ADK: variants seen among roughly 807,000 people sequenced by gnomAD.
ADK encodes N6,N6-dimethyladenosine kinase.
Under a neutral mutation model 44.7 loss-of-function variants are expected in ADK, and 24 were observed. The observed-to-expected ratio is 0.54, with a 90% CI of 0.39 to 0.76. ADK has a LOEUF of 0.76. Ranked by LOEUF, ADK falls within the 30% of genes least tolerant of loss-of-function variation. The probability of loss-of-function intolerance (pLI) is 0.00; values close to 1 mark genes in which losing one functional copy is unlikely to be tolerated. For missense variants in ADK, 321 were observed against 425.1 expected (o/e 0.76, Z 2.15); for synonymous variants, 128 against 142.6 (o/e 0.90, Z 0.73).
chr10:74,242,331 C>T (rs1483059454), intron 3 of ADK, among the ~76,000 whole-genome samples: 1 of 152,164 alleles, frequency 6.6e-6, no homozygotes, highest in African/African-American at 2.4e-5. Flanking sequence ...AAAACAGCTG[C>T]AGTGTAATTT....
At chr10:74,593,486 C>T (rs556395297) in intron 8 of ADK, among the ~76,000 whole-genome samples, 14 of 148,846 alleles carry the variant, frequency 9.4e-5, no homozygotes, top group African/African-American at 2.7e-4. Context: ...AAAAAAAAAG[C>T]GACACAAACA....
chr10:74,518,084 C>T (rs1305637830), intron 6 of ADK, among the ~76,000 whole-genome samples: 1 of 152,100 alleles, frequency 6.6e-6, no homozygotes, highest in Non-Finnish European at 1.5e-5. Context: ...ACATGTAGGA[C>T]CCATTAAGAG....
chr10:74,347,974 C>G (rs1418966194), intron 4 of ADK, among the ~76,000 whole-genome samples: 1 of 152,166 alleles, frequency 6.6e-6, no homozygotes, highest in Non-Finnish European at 1.5e-5. Context: ...AGGGAAGGGG[C>G]GGCTGTGGGC....
At chr10:74,475,082 G>A (rs1372531982) in intron 6 of ADK, among the ~76,000 whole-genome samples, 1 of 151,852 alleles carries the variant, frequency 6.6e-6, no homozygotes, top group African/African-American at 2.4e-5. Context: ...CCGAGTTCAC[G>A]CCACTGCACT....
intron 3 of ADK, among the ~76,000 whole-genome samples, chr10:74,263,821 C>T (rs1052673636): frequency 1.3e-5 from 2 of 152,040 alleles, no homozygotes; most frequent in African/African-American, 4.8e-5. Flanking sequence ...TTAGATTTTT[C>T]CCTGTTAATG....
In ADK at chr10:74,466,537, A is replaced by C. The variant is rs148308426; in HGVS notation, c.556-58719A>C. On this transcript the variant is annotated intron_variant, in intron 6 of 10. Coordinates refer to ENST00000539909, the MANE Select transcript of ADK (RefSeq NM_006721.4). ...CATCTCAAAGGGAAAAGCTGAATTC[A>C]TACACAGGAACTGCAGGATTACTCT... Among the ~76,000 whole-genome samples, 7 of 152,298 alleles carry C rather than the reference A, an allele frequency of 4.6e-5. No individual in the cohort carries two copies. The East Asian group carries it at 1.3e-3, about 29-fold the overall frequency.
intron 6 of ADK, among the ~76,000 whole-genome samples, chr10:74,498,937 C>T (rs1280887102): frequency 2.0e-5 from 3 of 152,210 alleles, no homozygotes. Flanking sequence ...AACCATCATT[C>T]TCAGTAAACT....
intron 3 of ADK, among the ~76,000 whole-genome samples, chr10:74,292,441 T>C (rs1309119799): frequency 6.6e-6 from 1 of 152,214 alleles, no homozygotes; most frequent in Non-Finnish European, 1.5e-5. Flanking sequence ...TCCTTAGTCA[T>C]AGCAATATTG....
intron 1 of ADK, among the ~76,000 whole-genome samples, chr10:74,175,650 G>T (rs907601331): frequency 1.3e-5 from 2 of 152,046 alleles, no homozygotes; most frequent in African/African-American, 4.8e-5. Context: ...GTAGAACAGG[G>T]CCCAGTCGTT....
chr10:74,381,896 T>G (rs1300231288), intron 4 of ADK, among the ~76,000 whole-genome samples: 1 of 152,176 alleles, frequency 6.6e-6, no homozygotes, highest in Non-Finnish European at 1.5e-5. Flanking sequence ...GTTTACTGCC[T>G]TGAGGGATTT....
At chr10:74,338,282 G>A (rs1024555301) in intron 4 of ADK, among the ~76,000 whole-genome samples, 5 of 152,150 alleles carry the variant, frequency 3.3e-5, no homozygotes, top group Non-Finnish European at 5.9e-5. Flanking sequence ...AAAAACTGGT[G>A]AGAATACAGA....
chr10:74,574,322 C>T (rs1380645641), intron 7 of ADK, among the ~76,000 whole-genome samples: 1 of 152,084 alleles, frequency 6.6e-6, no homozygotes, highest in African/African-American at 2.4e-5. Context: ...AGGCGCATGC[C>T]ACCACGCCCT....
chr10:74,215,809 T>G (rs1843991613), intron 2 of ADK, among the ~76,000 whole-genome samples: 1 of 137,538 alleles, frequency 7.3e-6, no homozygotes, highest in Non-Finnish European at 1.6e-5. Flanking sequence ...GGGACTACAA[T>G]GCCTGGCTAA....
chr10:74,591,364 T>C (rs1293210173), intron 8 of ADK, among the ~76,000 whole-genome samples: 1 of 152,174 alleles, frequency 6.6e-6, no homozygotes, highest in Non-Finnish European at 1.5e-5. Flanking sequence ...GTCAGTGATA[T>C]TGACAGTGAT....
intron 10 of ADK, among the ~76,000 whole-genome samples, chr10:74,684,229 T>C (rs933480385): frequency 3.9e-5 from 6 of 152,204 alleles, no homozygotes; most frequent in African/African-American, 1.4e-4. Flanking sequence ...TTCCCTAGTA[T>C]TAATAGCCAA....
At chr10:74,280,558 C>G (rs1320187102) in intron 3 of ADK, among the ~76,000 whole-genome samples, 1 of 152,136 alleles carries the variant, frequency 6.6e-6, no homozygotes, top group African/African-American at 2.4e-5. Context: ...GGTGTTTACC[C>G]CTATGCCCAG....
In ADK at chr10:74,700,720, G is replaced by C. The variant is rs373944869; in HGVS notation, c.965-7601G>C. On this transcript the variant is annotated intron_variant, in intron 10 of 10. Transcript: ENST00000539909. Reference sequence around the variant, plus strand: ...ATACAGGAAGATAAACCAGAAAACAGTGAAAGTGGTTGCTTAAAGGGATGG... The same window carrying C: ...ATACAGGAAGATAAACCAGAAAACACTGAAAGTGGTTGCTTAAAGGGATGG... Among the ~76,000 whole-genome samples the C allele has an allele frequency of 4.6e-5, 7 of 152,270 alleles. No homozygotes were observed. The East Asian group carries it at 7.7e-4, about 17-fold the overall frequency.
intron 1 of ADK, among the ~76,000 whole-genome samples, chr10:74,158,788 A>C (rs144107571): frequency 3.5e-4 from 54 of 152,288 alleles, no homozygotes; most frequent in African/African-American, 1.2e-3. Context: ...TTCTCTAGTC[A>C]CTGTTCTGCA....
chr10:74,650,377 C>T (rs1854215840), intron 9 of ADK, among the ~76,000 whole-genome samples: 1 of 152,070 alleles, frequency 6.6e-6, no homozygotes, highest in Non-Finnish European at 1.5e-5. Flanking sequence ...CTCGCCACTG[C>T]ACTCCAGCTT....
Sources: gnomAD v4.1 joint callset for allele counts (sites outside exome capture counted in the v4.1 genomes callset) on GRCh38, gnomAD v4.1.1 for gene constraint, MANE v1.5 for transcripts, NCBI Gene and HGNC (gene_info 2026-07-23, HGNC 2026-07-21) for gene names.